The following AQP8 variants were observed in gnomAD, a reference collection of about 807,000 sequenced individuals.
AQP8 encodes the protein aquaporin 8, also known as aquaporin-8.
A neutral mutation model predicts 26.1 loss-of-function variants in AQP8; 14 were observed. The observed-to-expected ratio is 0.54, with a 90% confidence interval of 0.35 to 0.84. AQP8 has a LOEUF of 0.84. Among genes scored for constraint, AQP8 ranks in the 40% least tolerant of loss-of-function variants. AQP8 has a pLI of 0.01. For synonymous variants in AQP8, 131 were observed against 150.7 expected (o/e 0.87, Z 0.96); for missense variants, 301 against 340.5 (o/e 0.88, Z 0.91).
chr16:25,217,521 A>G, intron 2 of AQP8, 76 bp downstream of exon 2: 1 of 1,560,394 alleles, frequency 6.4e-7, no homozygotes, highest in Non-Finnish European at 8.7e-7. Flanking sequence ...GTTGTCAAGG[A>G]CCCCTGGGCG....
At chr16:25,224,126 C>T (rs1444126477) in intron 3 of AQP8, among the ~76,000 whole-genome samples, 1 of 152,158 alleles carries the variant, frequency 6.6e-6, no homozygotes, top group Non-Finnish European at 1.5e-5. Context: ...CACGCCTAGC[C>T]CCATTACTAT....
intron 4 of AQP8, among the ~76,000 whole-genome samples, chr16:25,225,064 T>G (rs910079253): frequency 5.9e-5 from 9 of 152,308 alleles, no homozygotes; most frequent in Non-Finnish European, 1.2e-4. Flanking sequence ...AAACTGAGGC[T>G]TAGAGAGGAC....
chr16:25,227,076 TG>T lies in AQP8; in HGVS notation c.612del (p.Ser205LeufsTer5). ...TGCCTGGGTGTTTGCAGGGGCCCTG[TG>T]TCTGGAGGCTGCATGAATCCCGCCC... is the stretch of plus-strand genomic sequence containing the variant. ...VTVDILAGGP[V>X]SGGCMNPARA... On this transcript the variant is annotated frameshift_variant, in exon 5 of 6. Transcript: ENST00000219660. LOFTEE classifies it high-confidence loss of function. The T allele has an allele frequency of 1.9e-6, 3 of 1,614,062 alleles. No individual in the cohort carries two copies. Among genetic ancestry groups the T allele is most frequent in the Non-Finnish European group, 2.5e-6 (3 of 1,180,024 alleles).
chr16:25,220,074 C>A (rs116226570), intron 2 of AQP8, among the ~76,000 whole-genome samples: 4 of 150,944 alleles, frequency 2.6e-5, no homozygotes, highest in African/African-American at 9.8e-5. Context: ...TCAAATCAAA[C>A]CGTGCATGGA....
At chr16:25,222,430 C>T (rs1027509969) in intron 3 of AQP8, among the ~76,000 whole-genome samples, 7 of 152,084 alleles carry the variant, frequency 4.6e-5, no homozygotes, top group African/African-American at 9.7e-5. Context: ...TGGCCTCCAA[C>T]TCCTGGCCTC....
intron 2 of AQP8, among the ~76,000 whole-genome samples, chr16:25,219,198 G>C (rs942135581): frequency 7.3e-5 from 11 of 151,552 alleles, no homozygotes; most frequent in Non-Finnish European, 1.5e-5. Context: ...GAGGCACAGA[G>C]AGGTTATGTA....
intron 3 of AQP8, among the ~76,000 whole-genome samples, chr16:25,223,283 G>A (rs545607142): frequency 9.8e-5 from 15 of 152,374 alleles, no homozygotes; most frequent in Admixed American, 2.6e-4. Context: ...CCCTGAGGCC[G>A]ATCGCCCATA....
chr16:25,224,432 AGGTGGCAGGGGCGTT>A lies in AQP8; in HGVS notation c.467_481del (p.Gly156_Ala160del). 1 of 1,614,194 alleles carries A rather than the reference AGGTGGCAGGGGCGTT, an allele frequency of 6.2e-7. No individual in the cohort carries two copies. The highest frequency in any genetic ancestry group is 1.1e-5 in the South Asian group (1 of 91,088). On this transcript the variant is annotated inframe_deletion, in exon 4 of 6. Coordinates refer to ENST00000219660, the MANE Select transcript of AQP8 (RefSeq NM_001169.3). ...TTTGTGACAGTCCAGGAGCAGGGGC[AGGTGGCAGGGGCGTT>A]GGTGGCAGAGATCATCCTGACGACG...
At position 25,221,089 on chromosome 16, in the gene AQP8, G is replaced by A. The variant is rs561180193; in HGVS notation, c.261-368G>A. 9.0e-4 allele frequency among the ~76,000 whole-genome samples: 137 copies of A among 152,138 alleles called. 2 individuals carry two copies. The highest frequency in any genetic ancestry group is 3.2e-3 in the African/African-American group (133 of 41,534). Reference sequence around the variant, plus strand: ...AATCATAAGGGGAGGCCTGGATACCGCTCTTGGGCTACTAACTTGGAGCCT... The same window carrying A: ...AATCATAAGGGGAGGCCTGGATACCACTCTTGGGCTACTAACTTGGAGCCT... On this transcript the variant is annotated intron_variant, in intron 2 of 5. Transcript: ENST00000219660.
In AQP8 at chr16:25,225,347, C is replaced by G. The variant is rs1437387707; in HGVS notation, c.602+771C>G. ...TTTTGGACACAGAACCAAGTCTAACCTTTCTCCTGGGTCAGCTCTCCCTCA... is the reference window on the plus strand; with the variant it reads ...TTTTGGACACAGAACCAAGTCTAACGTTTCTCCTGGGTCAGCTCTCCCTCA... On this transcript the variant is annotated intron_variant, in intron 4 of 5. Transcript: ENST00000219660. 2.6e-5 allele frequency among the ~76,000 whole-genome samples: 4 copies of G among 152,314 alleles called. No individual in the cohort carries two copies. The East Asian group carries it at 5.8e-4, about 22-fold the overall frequency.
intron 3 of AQP8, among the ~76,000 whole-genome samples, 169 bp downstream of exon 3, chr16:25,221,752 CATTTTATTGT>C (rs2141341554): frequency 6.6e-6 from 1 of 151,860 alleles, no homozygotes; most frequent in South Asian, 2.1e-4. Flanking sequence ...TTTCTTATTG[CATTTTATTGT>C]ATTTTTTATT....
chr16:25,225,803 G>T (rs1304094385), intron 4 of AQP8, among the ~76,000 whole-genome samples: 1 of 152,214 alleles, frequency 6.6e-6, no homozygotes, highest in African/African-American at 2.4e-5. Context: ...CAGAGCCCCA[G>T]AACGAGAGGA....
At chr16:25,220,505 G>A (rs1051210430) in intron 2 of AQP8, among the ~76,000 whole-genome samples, 1 of 152,144 alleles carries the variant, frequency 6.6e-6, no homozygotes, top group South Asian at 2.1e-4. Context: ...GGGGGTGGCT[G>A]ATCAACTGCA....
chr16:25,221,715 TTGG>T lies in AQP8; in HGVS notation c.387+136_387+138del. The stretch of plus-strand genomic sequence containing the variant: ...CTTTTGCTTGTTTCTGCCAGTGGAA[TTGG>T]TGGACGTTTTTCTTCTCTCTTTCTT... On this transcript the variant is annotated intron_variant, in intron 3 of 5. Coordinates refer to ENST00000219660, the MANE Select transcript of AQP8 (RefSeq NM_001169.3). 3 of 1,090,846 alleles carry T rather than the reference TTGG, an allele frequency of 2.8e-6. No homozygotes were observed. The South Asian group carries it at 4.8e-5, about 18-fold the overall frequency. The allele number at this position is 1,090,846 out of a possible 1,614,324, so 67.6% of individuals were successfully genotyped here.
chr16:25,227,213 G>C lies in AQP8; in HGVS notation c.737+11G>C. ...TGGACTGCTCATTAGGTAGGAGTGT[G>C]ACACAGGGTCACCGGCCCATTGGAT... On this transcript the variant is annotated intron_variant, in intron 5 of 5. Coordinates refer to ENST00000219660, the MANE Select transcript of AQP8 (RefSeq NM_001169.3). 1 of 1,614,010 alleles carries C rather than the reference G, an allele frequency of 6.2e-7. No individual in the cohort carries two copies. Among genetic ancestry groups the C allele is most frequent in the Non-Finnish European group, 8.5e-7 (1 of 1,179,916 alleles).
chr16:25,222,902 C>G (rs770552024), intron 3 of AQP8, among the ~76,000 whole-genome samples: 1 of 152,242 alleles, frequency 6.6e-6, no homozygotes, highest in Non-Finnish European at 1.5e-5. Flanking sequence ...TGGCCAGACT[C>G]GAGCTCAAGC....
intron 2 of AQP8, 32 bp from the exon 3 acceptor site, chr16:25,221,425 C>A (rs1433276540): frequency 1.9e-6 from 3 of 1,612,744 alleles, no homozygotes; most frequent in Non-Finnish European, 1.7e-6. Context: ...CAGCCCTGGG[C>A]TCATGACTTC....
At chr16:25,227,492 C>G (rs1962651496) in intron 5 of AQP8, among the ~76,000 whole-genome samples, 1 of 151,972 alleles carries the variant, frequency 6.6e-6, no homozygotes, top group Non-Finnish European at 1.5e-5. Context: ...AGGACTTGGT[C>G]TTTCTCCTTT....
rs74644224 is a variant in AQP8, at chr16:25,227,119, G to T, written c.654G>T (p.Ala218=). The T allele has an allele frequency of 8.1e-6, 13 of 1,613,968 alleles. No individual in the cohort carries two copies. In the South Asian group the frequency reaches 1.1e-4, roughly 14 times the overall value. ...ATCCCGCCCGTGCTTTTGGACCTGC[G>T]GTGGTGGCCAACCACTGGAACTTCC... ...CMNPARAFGP[A]VVANHWNFHW... Residue 218 remains alanine, a synonymous_variant, in exon 5 of 6, where the codon GCG becomes GCT. Coordinates refer to ENST00000219660, the MANE Select transcript of AQP8 (RefSeq NM_001169.3).
Sources: allele counts gnomAD v4.1 joint callset (sites outside exome capture counted in the v4.1 genomes callset), GRCh38; gene constraint gnomAD v4.1.1; transcripts MANE v1.5; gene names NCBI Gene and HGNC (gene_info 2026-07-23, HGNC 2026-07-21).